SCLT1: variants seen among roughly 807,000 people sequenced by gnomAD.
SCLT1 encodes sodium channel and clathrin linker 1.
A neutral mutation model predicts 112.8 loss-of-function variants in SCLT1; 78 were observed. The observed-to-expected ratio is 0.69, with a 90% CI of 0.58 to 0.83. The LOEUF (loss-of-function observed/expected upper bound fraction) is 0.83. Ranked by LOEUF, SCLT1 falls within the 40% of genes least tolerant of loss-of-function variation. SCLT1 has a pLI of 0.00. For synonymous variants in SCLT1, 257 were observed against 254.7 expected, an observed-to-expected ratio of 1.01 and a Z score of -0.09; for missense variants, 747 against 770.4, an observed-to-expected ratio of 0.97 and a Z score of 0.36.
chr4:128,964,177 C>T (rs1739979151), intron 11 of SCLT1, among the ~76,000 whole-genome samples: 1 of 152,154 alleles, frequency 6.6e-6, no homozygotes, highest in African/African-American at 2.4e-5. Context: ...ATGGTATTGG[C>T]ATTTGAAATG....
intron 5 of SCLT1, among the ~76,000 whole-genome samples, chr4:129,018,653 CAATT>C (rs1244589931): frequency 6.6e-6 from 1 of 152,112 alleles, no homozygotes; most frequent in East Asian, 1.9e-4. Context: ...CAGAAAACTA[CAATT>C]AATAGACTCG....
At chr4:128,897,776 C>A (rs1029730381) in intron 18 of SCLT1, among the ~76,000 whole-genome samples, 1 of 152,062 alleles carries the variant, frequency 6.6e-6, no homozygotes, top group Non-Finnish European at 1.5e-5. Context: ...TTCAGGAAAC[C>A]CATCTCACCT....
At chr4:129,050,596 ATTTG>A (rs1442823057) in intron 2 of SCLT1, among the ~76,000 whole-genome samples, 4 of 152,002 alleles carry the variant, frequency 2.6e-5, no homozygotes, top group African/African-American at 7.2e-5. Context: ...TTTCTTGTAA[ATTTG>A]TTTAAGTTCC....
chr4:128,935,367 A>G (rs939533025), intron 18 of SCLT1, among the ~76,000 whole-genome samples: 10 of 152,022 alleles, frequency 6.6e-5, no homozygotes, highest in Non-Finnish European at 1.5e-4. Flanking sequence ...ATCAAATTAG[A>G]AGGTCCATTC....
intron 9 of SCLT1, among the ~76,000 whole-genome samples, chr4:128,981,756 A>G (rs796666792): frequency 9.2e-5 from 14 of 152,252 alleles, no homozygotes; most frequent in African/African-American, 3.4e-4. Context: ...AAAAGAAAAA[A>G]AAAGAAAAAA....
intron 1 of SCLT1, among the ~76,000 whole-genome samples, chr4:129,088,835 C>G (rs1579982892): frequency 6.6e-6 from 1 of 152,134 alleles, no homozygotes; most frequent in African/African-American, 2.4e-5. Flanking sequence ...TTCCTTACAC[C>G]TCATACAAAA....
At chr4:129,005,650 G>T (rs1323488220) in intron 5 of SCLT1, among the ~76,000 whole-genome samples, 2 of 152,062 alleles carry the variant, frequency 1.3e-5, no homozygotes, top group South Asian at 2.1e-4. Flanking sequence ...ATTTGACCCA[G>T]CCATTGCATT....
intron 9 of SCLT1, among the ~76,000 whole-genome samples, chr4:128,991,794 T>C (rs1201435747): frequency 6.6e-6 from 1 of 151,738 alleles, no homozygotes; most frequent in East Asian, 1.9e-4. Context: ...TTTAAAACAA[T>C]AAAAAATAAA....
intron 2 of SCLT1, among the ~76,000 whole-genome samples, chr4:129,053,929 GTTC>G (rs1388988890): frequency 1.3e-5 from 2 of 152,058 alleles, no homozygotes; most frequent in Non-Finnish European, 2.9e-5. Context: ...TCCTTCAGGA[GTTC>G]TTCTAAGGCA....
chr4:128,987,723 G>C (rs1371704698), intron 9 of SCLT1, among the ~76,000 whole-genome samples: 1 of 152,044 alleles, frequency 6.6e-6, no homozygotes, highest in African/African-American at 2.4e-5. Context: ...AAGAGTTACT[G>C]GTCTCAAAGA....
chr4:129,056,419 A>G (rs1050472824), intron 2 of SCLT1, among the ~76,000 whole-genome samples: 3 of 152,200 alleles, frequency 2.0e-5, no homozygotes, highest in Non-Finnish European at 4.4e-5. Flanking sequence ...GCTTTATAGT[A>G]TATTTTGAAG....
intron 16 of SCLT1, among the ~76,000 whole-genome samples, chr4:128,944,300 A>C (rs1737957002): frequency 6.6e-6 from 1 of 152,204 alleles, no homozygotes; most frequent in South Asian, 2.1e-4. Flanking sequence ...ACATCAGAAG[A>C]TGCTGAGATC....
intron 2 of SCLT1, among the ~76,000 whole-genome samples, chr4:129,060,938 G>A (rs1749908583): frequency 6.6e-6 from 1 of 152,134 alleles, no homozygotes; most frequent in African/African-American, 2.4e-5. Flanking sequence ...CACAGAGCCA[G>A]GATCTGGACT....
intron 5 of SCLT1, among the ~76,000 whole-genome samples, chr4:129,020,667 A>T (rs1164550875): frequency 6.6e-6 from 1 of 152,238 alleles, no homozygotes; most frequent in Non-Finnish European, 1.5e-5. Context: ...AGATACATTC[A>T]GGTTTCCCAG....
chr4:129,063,671 G>A (rs991646566), intron 2 of SCLT1, among the ~76,000 whole-genome samples: 1 of 152,214 alleles, frequency 6.6e-6, no homozygotes, highest in Non-Finnish European at 1.5e-5. Context: ...CAGCTTATGA[G>A]TGGGTCTGCT....
chr4:128,901,607 C>T (rs2125935763), intron 18 of SCLT1, among the ~76,000 whole-genome samples: 1 of 151,552 alleles, frequency 6.6e-6, no homozygotes, highest in African/African-American at 2.4e-5. Context: ...ACCAACATGG[C>T]ACATGTATAC....
intron 18 of SCLT1, among the ~76,000 whole-genome samples, chr4:128,895,449 T>C (rs1248602493): frequency 3.9e-5 from 6 of 152,156 alleles, no homozygotes. Context: ...GAAAACAAAC[T>C]GCATATGTAT....
chr4:128,959,119 C>G (rs995113496), intron 12 of SCLT1, among the ~76,000 whole-genome samples: 1 of 152,104 alleles, frequency 6.6e-6, no homozygotes, highest in Non-Finnish European at 1.5e-5. Context: ...TTTGACAGCA[C>G]AGGAATCACA....
chr4:128,952,194 A>T (rs1738814302), intron 14 of SCLT1: 2 of 384,310 alleles, frequency 5.2e-6, no homozygotes, highest in Non-Finnish European at 1.0e-5. Flanking sequence ...ATAAAAAGTG[A>T]TACAGGGAGT....
Sources: allele counts gnomAD v4.1 joint callset (sites outside exome capture counted in the v4.1 genomes callset), GRCh38; gene constraint gnomAD v4.1.1; transcripts MANE v1.5; gene names NCBI Gene and HGNC (gene_info 2026-07-23, HGNC 2026-07-21).